The following ABCC1 variants were observed in gnomAD, a reference collection of about 807,000 sequenced individuals.
ABCC1 encodes the protein multidrug resistance-associated protein 1.
A neutral mutation model predicts 172.9 loss-of-function variants in ABCC1; 83 were observed. The observed-to-expected ratio is 0.48, with a 90% CI of 0.40 to 0.58. ABCC1 has a LOEUF of 0.58. Ranked by LOEUF, ABCC1 falls within the 20% of genes least tolerant of loss-of-function variation. The probability of loss-of-function intolerance (pLI) is 0.00; values close to 1 mark genes in which losing one functional copy is unlikely to be tolerated. For synonymous variants in ABCC1, 937 were observed against 825.2 expected, an observed-to-expected ratio of 1.14 and a Z score of -2.32; for missense variants, 1,817 against 2,002.7, an observed-to-expected ratio of 0.91 and a Z score of 1.77.
At chr16:16,090,934 C>T (rs545567407) in intron 19 of ABCC1, among the ~76,000 whole-genome samples, 1 of 152,088 alleles carries the variant, frequency 6.6e-6, no homozygotes, top group Non-Finnish European at 1.5e-5. Flanking sequence ...AATTAAAGTC[C>T]TGGCTCTCGG....
intron 1 of ABCC1, among the ~76,000 whole-genome samples, chr16:15,990,134 A>G (rs2046825066): frequency 1.3e-5 from 2 of 152,046 alleles, no homozygotes; most frequent in South Asian, 4.1e-4. Flanking sequence ...AGCTCACTGC[A>G]GTCTCTGTCT....
At chr16:15,995,032 G>A (rs1007675872) in intron 1 of ABCC1, among the ~76,000 whole-genome samples, 7 of 151,654 alleles carry the variant, frequency 4.6e-5, no homozygotes, top group African/African-American at 1.7e-4. Context: ...TTGCGAGGCT[G>A]AGGCAGGAGA....
At chr16:15,983,654 C>T (rs2046679910) in intron 1 of ABCC1, among the ~76,000 whole-genome samples, 1 of 148,876 alleles carries the variant, frequency 6.7e-6, no homozygotes, top group Non-Finnish European at 1.5e-5. Flanking sequence ...TTCCCAGGTT[C>T]AAGCAATCCT....
At chr16:16,002,978 T>G (rs959746093) in intron 1 of ABCC1, among the ~76,000 whole-genome samples, 1 of 152,212 alleles carries the variant, frequency 6.6e-6, no homozygotes, top group African/African-American at 2.4e-5. Flanking sequence ...TATTTTTCAC[T>G]GTATACCTTT....
Position 16,044,494 on chromosome 16 carries a change from C to G in ABCC1, c.854C>G (p.Pro285Arg), listed in dbSNP as rs199675371. 3.7e-6 allele frequency: 6 copies of G among 1,614,044 alleles called. No homozygotes were observed. The Admixed American group carries it at 8.3e-5, about 22-fold the overall frequency. Reference sequence around the variant, plus strand: ...TACTCCTCCAAGGATCCTGCCCAGCCGAAAGAGAGTTCCAAGGTGGATGCG... The same window carrying G: ...TACTCCTCCAAGGATCCTGCCCAGCGGAAAGAGAGTTCCAAGGTGGATGCG... ...VVYSSKDPAQ[P>R]KESSKVDANE... The change falls in exon 8 of 31, where the codon CCG becomes CGG. Residue 285 changes from proline to arginine, a missense_variant. Pro to Arg is a moderately radical substitution (Grantham distance 103). Transcript: ENST00000399410.
intron 1 of ABCC1, among the ~76,000 whole-genome samples, chr16:15,999,799 CTCTCTCTCTCCTCT>C (rs1387473936): frequency 3.1e-5 from 1 of 32,606 alleles, no homozygotes; most frequent in African/African-American, 7.7e-5. Flanking sequence ...CTCTCTCTCT[CTCTCTCTCTCCTCT>C]CTCTCTCTCT....
At chr16:16,078,140 A>G (rs1412126399) in intron 15 of ABCC1, among the ~76,000 whole-genome samples, 1 of 152,260 alleles carries the variant, frequency 6.6e-6, no homozygotes, top group Non-Finnish European at 1.5e-5. Context: ...CCTGGGCCAC[A>G]GAGTGAGACT....
intron 14 of ABCC1, among the ~76,000 whole-genome samples, chr16:16,075,629 TC>T (rs1377761581): frequency 6.6e-6 from 1 of 152,138 alleles, no homozygotes; most frequent in Non-Finnish European, 1.5e-5. Flanking sequence ...AGATCCTGTC[TC>T]AGGAGAAGAC....
At chr16:16,132,005 C>G in intron 27 of ABCC1, 70 bp downstream of exon 27, 1 of 1,557,234 alleles carries the variant, frequency 6.4e-7, no homozygotes, top group Admixed American at 1.8e-5. Flanking sequence ...GCAGGTGAAC[C>G]TAGCTGCAGC....
intron 1 of ABCC1, among the ~76,000 whole-genome samples, chr16:15,961,618 C>T (rs543342605): frequency 3.9e-5 from 6 of 152,114 alleles, no homozygotes; most frequent in East Asian, 1.9e-4. Flanking sequence ...AGAACGTGTT[C>T]GTTTGTGTGT....
chr16:16,006,966 G>A (rs1445982538), intron 1 of ABCC1, among the ~76,000 whole-genome samples: 2 of 151,980 alleles, frequency 1.3e-5, no homozygotes, highest in African/African-American at 4.8e-5. Flanking sequence ...GGTGGTGATG[G>A]TCATAGTGGG....
rs45552834 is a variant in ABCC1 at position 16,106,884 on chromosome 16, C to T, written c.2871+11C>T. ...GCGCAGACAGGGCAGGTGAGATTCG[C>T]TCCTTAAGTGATGACAGTGGCTGGA... is the stretch of plus-strand genomic sequence containing the variant. On this transcript the variant is annotated intron_variant, in intron 21 of 30. Transcript: ENST00000399410. 3.1e-6 allele frequency: 5 copies of T among 1,613,848 alleles called. No individual in the cohort carries two copies. The highest frequency in any genetic ancestry group is 4.2e-6 in the Non-Finnish European group (5 of 1,179,960).
At chr16:16,003,136 A>T (rs2151697570) in intron 1 of ABCC1, among the ~76,000 whole-genome samples, 1 of 152,240 alleles carries the variant, frequency 6.6e-6, no homozygotes, top group East Asian at 1.9e-4. Context: ...TGGTGGATGG[A>T]TGGATGAACT....
In ABCC1 at chr16:16,056,229, G is replaced by C. The variant is rs778530424; in HGVS notation, c.1611G>C (p.Lys537Asn). The stretch of plus-strand genomic sequence containing the variant: ...TGGCCATCAGGCAGGAGGAGCTGAA[G>C]GTGCTGAAGAAGTCTGCCTACCTGT... ...KVLAIRQEEL[K>N]VLKKSAYLSA... is the part of the protein sequence containing the mutation. Residue 537 changes from lysine (K) to asparagine (N), a missense_variant, in exon 12 of 31, where the codon AAG (lysine) becomes AAC (asparagine). Around this residue, in one of 3 missense-constraint regions of ABCC1, gnomAD observed 1,412 missense variants for 1,600.3 expected, o/e 0.88. Coordinates refer to ENST00000399410, the MANE Select transcript of ABCC1 (RefSeq NM_004996.4). 31 of 1,614,122 alleles carry C rather than the reference G, an allele frequency of 1.9e-5. No individual in the cohort carries two copies. Among genetic ancestry groups the C allele is most frequent in the Non-Finnish European group, 2.2e-5 (26 of 1,180,054 alleles).
chr16:16,043,357 G>A (rs1290992978), intron 7 of ABCC1, among the ~76,000 whole-genome samples: 1 of 150,974 alleles, frequency 6.6e-6, no homozygotes, highest in African/African-American at 2.4e-5. Context: ...GGAGTGCAAT[G>A]GTGTGGTCTC....
chr16:16,130,574 C>T (rs1289987401), intron 26 of ABCC1, among the ~76,000 whole-genome samples: 1 of 152,194 alleles, frequency 6.6e-6, no homozygotes, highest in Non-Finnish European at 1.5e-5. Flanking sequence ...CTGTGCATAA[C>T]ATGGCACACT....
intron 11 of ABCC1, among the ~76,000 whole-genome samples, 173 bp from the exon 12 acceptor site, chr16:16,055,919 T>C (rs1190266389): frequency 1.3e-5 from 2 of 150,898 alleles, no homozygotes; most frequent in Non-Finnish European, 2.9e-5. Flanking sequence ...GAGACCAGCC[T>C]GGGCAGCATG....
At chr16:16,084,086 T>C (rs748655177) in intron 17 of ABCC1, among the ~76,000 whole-genome samples, 1 of 152,112 alleles carries the variant, frequency 6.6e-6, no homozygotes, top group Non-Finnish European at 1.5e-5. Context: ...TTCTCTTTCT[T>C]TTCTTTCTTT....
chr16:16,112,596 G>A (rs8058245), intron 22 of ABCC1, among the ~76,000 whole-genome samples: 144,210 of 152,086 alleles, frequency 0.95, 68,881 homozygotes, highest in Middle Eastern at 1. Flanking sequence ...ACTGAGGCCC[G>A]GAGAGGTTGA....
Sources: gnomAD v4.1 joint callset for allele counts (sites outside exome capture counted in the v4.1 genomes callset) on GRCh38, gnomAD v4.1.1 for gene constraint, gnomAD v4.1.1 regional missense constraint, MANE v1.5 for transcripts, NCBI Gene and HGNC (gene_info 2026-07-23, HGNC 2026-07-21) for gene names.